SYTL3: variants seen among roughly 807,000 people sequenced by gnomAD.
SYTL3 encodes the protein synaptotagmin-like protein 3.
Under a neutral mutation model 82.1 loss-of-function variants are expected in SYTL3, and 88 were observed. That is an observed-to-expected ratio of 1.07 (90% CI 0.90 to 1.28). The LOEUF is 1.28. SYTL3 is among the 50% of genes most tolerant of loss of function. SYTL3 has a pLI of 0.00. For missense variants in SYTL3, 831 were observed against 757.6 expected, an observed-to-expected ratio of 1.10 and a Z score of -1.14; for synonymous variants, 311 against 289.4, an observed-to-expected ratio of 1.07 and a Z score of -0.76.
chr6:158,718,635 G>A (rs1783704321), intron 10 of SYTL3, among the ~76,000 whole-genome samples: 1 of 152,230 alleles, frequency 6.6e-6, no homozygotes, highest in Non-Finnish European at 1.5e-5. Context: ...AAAGGCGCGA[G>A]CAAGCCTGTG....
intron 11 of SYTL3, among the ~76,000 whole-genome samples, chr6:158,727,095 G>A (rs559121946): frequency 2.1e-4 from 32 of 151,906 alleles, no homozygotes; most frequent in African/African-American, 7.2e-4. Context: ...CGTGATCCAC[G>A]TGCCTCGGCC....
intron 10 of SYTL3, among the ~76,000 whole-genome samples, chr6:158,722,767 T>TTTTTTTTTG (rs1784265300): frequency 7.2e-6 from 1 of 138,856 alleles, no homozygotes; most frequent in Non-Finnish European, 1.6e-5. Context: ...TTTCTGTTTT[T>TTTTTTTTTG]TTTTTTTTTT....
At chr6:158,723,015 C>G (rs899499469) in intron 10 of SYTL3, among the ~76,000 whole-genome samples, 1 of 151,248 alleles carries the variant, frequency 6.6e-6, no homozygotes, top group Non-Finnish European at 1.5e-5. Context: ...ATCTGCCAGC[C>G]TCGGCTTCCC....
intron 5 of SYTL3, among the ~76,000 whole-genome samples, chr6:158,670,959 A>C (rs1272364328): frequency 6.6e-6 from 1 of 151,252 alleles, no homozygotes; most frequent in Non-Finnish European, 1.5e-5. Flanking sequence ...CCCACCACCA[A>C]GCCCGGCTAA....
chr6:158,716,794 G>A (rs1422421898), intron 9 of SYTL3, among the ~76,000 whole-genome samples: 1 of 152,192 alleles, frequency 6.6e-6, no homozygotes, highest in Admixed American at 6.5e-5. Flanking sequence ...GAGCCACAGT[G>A]TCCATTGCAG....
chr6:158,703,827 T>G (rs1449214678), intron 6 of SYTL3, among the ~76,000 whole-genome samples: 1 of 147,382 alleles, frequency 6.8e-6, no homozygotes, highest in Non-Finnish European at 1.5e-5. Context: ...ATTATCATTA[T>G]TATTATTATT....
chr6:158,707,339 A>G (rs1378415389), intron 7 of SYTL3, 58 bp downstream of exon 7: 13 of 1,493,036 alleles, frequency 8.7e-6, no homozygotes, highest in Middle Eastern at 1.8e-4. Flanking sequence ...CGCAGAGGAC[A>G]CTCTGCAAGA....
chr6:158,746,481 T>TATTATTATTA (rs1554263769), intron 12 of SYTL3, among the ~76,000 whole-genome samples: 1 of 148,884 alleles, frequency 6.7e-6, no homozygotes, highest in African/African-American at 2.5e-5. Context: ...TTATTATTAT[T>TATTATTATTA]TTGAGGTGGA....
chr6:158,678,888 A>G (rs1266401552), intron 5 of SYTL3, among the ~76,000 whole-genome samples: 1 of 152,220 alleles, frequency 6.6e-6, no homozygotes, highest in Non-Finnish European at 1.5e-5. Flanking sequence ...TTTATTGCTG[A>G]ACTCATAAAT....
chr6:158,646,161 C>G (rs899508265), upstream of SYTL3, among the ~76,000 whole-genome samples: 1 of 150,328 alleles, frequency 6.7e-6, no homozygotes, highest in African/African-American at 2.4e-5. Flanking sequence ...GGGTGTCATT[C>G]TGTTGCCCGG....
intron 9 of SYTL3, among the ~76,000 whole-genome samples, chr6:158,716,807 G>T (rs1234487467): frequency 6.6e-6 from 1 of 152,174 alleles, no homozygotes; most frequent in African/African-American, 2.4e-5. Flanking sequence ...CATTGCAGTG[G>T]CCTCTAACCA....
In SYTL3 at chr6:158,752,034, C is replaced by T. The variant is rs1445524659; in HGVS notation, c.1137+4C>T. ...GACCTTTCAGGAGACCTTGAAGGTA[C>T]TTGCTGGACAGATATTCCTGTGCAG... On this transcript the variant is annotated splice_donor_region_variant and intron_variant, in intron 13 of 17. Coordinates refer to ENST00000611299, the MANE Select transcript of SYTL3 (RefSeq NM_001242394.2). 1 of 1,586,148 alleles carries T rather than the reference C, an allele frequency of 6.3e-7. No homozygotes were observed. The highest frequency in any genetic ancestry group is 8.6e-7 in the Non-Finnish European group (1 of 1,168,602).
intron 6 of SYTL3, among the ~76,000 whole-genome samples, chr6:158,693,770 TGAGC>T (rs1780214738): frequency 6.8e-6 from 1 of 146,652 alleles, no homozygotes; most frequent in African/African-American, 2.7e-5. Context: ...CTCGAACTCC[TGAGC>T]TCAAGTGATC....
intron 11 of SYTL3, among the ~76,000 whole-genome samples, chr6:158,739,584 G>C (rs377074431): frequency 6.6e-6 from 1 of 151,204 alleles, no homozygotes; most frequent in African/African-American, 2.4e-5. Context: ...CTCTCTCTCT[G>C]TCTCTTTCTC....
At chr6:158,691,770 G>A (rs372723973) in intron 6 of SYTL3, among the ~76,000 whole-genome samples, 2 of 151,152 alleles carry the variant, frequency 1.3e-5, no homozygotes, top group East Asian at 4.0e-4. Context: ...TCCTGCCTCA[G>A]CCTCCTGAGT....
chr6:158,715,775 C>T (rs1318300799), intron 9 of SYTL3, among the ~76,000 whole-genome samples: 1 of 151,998 alleles, frequency 6.6e-6, no homozygotes, highest in Admixed American at 6.6e-5. Flanking sequence ...CACGTGACCA[C>T]ACACACGCCC....
At chr6:158,719,271 G>A (rs1269058819) in intron 10 of SYTL3, among the ~76,000 whole-genome samples, 1 of 152,134 alleles carries the variant, frequency 6.6e-6, no homozygotes, top group Non-Finnish European at 1.5e-5. Flanking sequence ...GGTATTGCAT[G>A]CAGCCTCATT....
chr6:158,740,582 G>A (rs924677403), intron 11 of SYTL3, among the ~76,000 whole-genome samples: 2 of 152,050 alleles, frequency 1.3e-5, no homozygotes, highest in East Asian at 1.9e-4. Context: ...CTCAGGACTC[G>A]CCTGGTTTTG....
chr6:158,734,405 C>T (rs1785859877), intron 11 of SYTL3, among the ~76,000 whole-genome samples: 1 of 152,018 alleles, frequency 6.6e-6, no homozygotes, highest in African/African-American at 2.4e-5. Flanking sequence ...TTGGATCCAC[C>T]CCATGACAGC....
Sources: gnomAD v4.1 joint callset for allele counts (sites outside exome capture counted in the v4.1 genomes callset) on GRCh38, gnomAD v4.1.1 for gene constraint, MANE v1.5 for transcripts, NCBI Gene and HGNC (gene_info 2026-07-23, HGNC 2026-07-21) for gene names.